Variants in EFCAB3 observed in about 807,000 individuals in gnomAD.
EFCAB3 encodes EF-hand calcium-binding domain-containing protein 3.
EFCAB3 carries 36 observed loss-of-function variants against 42.2 expected under a neutral mutation model. That is an observed-to-expected ratio of 0.85 (90% CI 0.65 to 1.13). The LOEUF (loss-of-function observed/expected upper bound fraction) is 1.13, where lower values mean the gene tolerates loss of function less well. Among genes scored for constraint, EFCAB3 ranks in the 50% most tolerant of loss-of-function variants. The pLI, the probability that EFCAB3 is intolerant of heterozygous loss-of-function variation, is 0.00. For missense variants in EFCAB3, 418 were observed against 505.1 expected (o/e 0.83, Z 1.65); for synonymous variants, 170 against 172.8 (o/e 0.98, Z 0.13).
At chr17:62,414,390 T>C (rs991800434) in intron 9 of EFCAB3, among the ~76,000 whole-genome samples, 2 of 152,214 alleles carry the variant, frequency 1.3e-5, no homozygotes, top group Non-Finnish European at 2.9e-5. Flanking sequence ...TGATTACTGT[T>C]AAAGTTGTCA....
At chr17:62,375,122 AAT>A (rs2070140267) in intron 2 of EFCAB3, among the ~76,000 whole-genome samples, 1 of 152,186 alleles carries the variant, frequency 6.6e-6, no homozygotes, top group Admixed American at 6.5e-5. Context: ...TGTAAAAAGA[AAT>A]AAAAAAGGAG....
chr17:62,380,107 T>C (rs1402173843), upstream of EFCAB3, among the ~76,000 whole-genome samples: 2 of 152,214 alleles, frequency 1.3e-5, no homozygotes, highest in Non-Finnish European at 2.9e-5. Context: ...GTTCAAGCAA[T>C]TCTCCTGCCT....
intron 3 of EFCAB3, among the ~76,000 whole-genome samples, chr17:62,389,466 G>A (rs1401545793): frequency 2.0e-5 from 3 of 152,206 alleles, no homozygotes; most frequent in African/African-American, 4.8e-5. Context: ...ACTAGAAAAT[G>A]TGTTCGTTAC....
upstream of EFCAB3, among the ~76,000 whole-genome samples, chr17:62,380,311 C>T (rs1445335515): frequency 6.6e-6 from 1 of 152,164 alleles, no homozygotes; most frequent in Non-Finnish European, 1.5e-5. Flanking sequence ...CTGATGAAGA[C>T]ATTAACATGA....
chr17:62,389,096 G>A (rs79069855), intron 3 of EFCAB3, among the ~76,000 whole-genome samples: 1,769 of 152,318 alleles, frequency 0.012, 15 homozygotes, highest in Non-Finnish European at 0.02. Context: ...GCAGCATGTG[G>A]ACAAGAAACT....
At position 62,416,005 on chromosome 17, in the gene EFCAB3, G is replaced by T; in HGVS notation, c.993G>T (p.Val331=). Residue 331 remains valine (V), a splice_region_variant and synonymous_variant, in exon 10 of 10, where the codon GTG becomes GTT. Transcript: ENST00000305286. ...VADATAIKQH[V]KRATDTYNLG... The stretch of plus-strand genomic sequence containing the variant: ...AAACTTCTGGTCTCTCACTGCAGGT[G>T]AAGAGAGCTACTGATACCTATAATT... 1.2e-6 allele frequency: 2 copies of T among 1,605,658 alleles called. No homozygotes were observed. The highest frequency in any genetic ancestry group is 2.2e-5 in the South Asian group (2 of 89,820).
At chr17:62,402,519 A>G (rs1188675904) in intron 6 of EFCAB3, among the ~76,000 whole-genome samples, 1 of 152,094 alleles carries the variant, frequency 6.6e-6, no homozygotes. Context: ...AATTTTGTCG[A>G]AGGCCTTTTC....
At chr17:62,373,978 C>A (rs1257735762) in intron 2 of EFCAB3, 1 of 519,162 alleles carries the variant, frequency 1.9e-6, no homozygotes, top group African/African-American at 2.0e-5. Context: ...TAGAAAATTT[C>A]TATATTTAGC....
intron 6 of EFCAB3, among the ~76,000 whole-genome samples, chr17:62,398,453 C>CAA (rs371155492): frequency 6.5e-5 from 4 of 62,010 alleles, no homozygotes; most frequent in African/African-American, 2.1e-4. Context: ...GACTTAGTCT[C>CAA]AAAAAAAAAA....
rs762597416 is a variant in EFCAB3 at position 62,406,556 on chromosome 17, A to G, written c.565A>G (p.Thr189Ala). 6.2e-7 allele frequency: 1 copy of G among 1,614,020 alleles called. No homozygotes were observed. The highest frequency in any genetic ancestry group is 2.2e-5 in the East Asian group (1 of 44,856). Residue 189 changes from threonine to alanine, a missense_variant, in exon 7 of 10, where the codon ACA becomes GCA. Transcript: ENST00000305286. ...CTACACTATGGGCTATGGAAAAAGGACACTTAAGCCAGACATATGCACACC... is the reference window on the plus strand; with the variant it reads ...CTACACTATGGGCTATGGAAAAAGGGCACTTAAGCCAGACATATGCACACC... ...SPYTMGYGKR[T>A]LKPDICTPPS...
chr17:62,402,762 G>A (rs1249905520), intron 6 of EFCAB3, among the ~76,000 whole-genome samples: 4 of 152,140 alleles, frequency 2.6e-5, no homozygotes, highest in Non-Finnish European at 5.9e-5. Flanking sequence ...TATTTTTGTT[G>A]TGTCTCTGCC....
At chr17:62,385,039 C>T (rs1398635093) in intron 2 of EFCAB3, among the ~76,000 whole-genome samples, 32 of 152,126 alleles carry the variant, frequency 2.1e-4, no homozygotes, top group Admixed American at 2.1e-3. Context: ...TTTCAATTTA[C>T]AATATTTTCA....
At chr17:62,398,531 T>C (rs892634356) in intron 6 of EFCAB3, among the ~76,000 whole-genome samples, 3 of 146,232 alleles carry the variant, frequency 2.1e-5, no homozygotes, top group Non-Finnish European at 3.0e-5. Context: ...TTAGCCACCA[T>C]AGTGGCACAG....
rs77937642 is a variant in EFCAB3, at chr17:62,391,161, G to T, written c.152-661G>T. ...GGTTTCTCTTCTCTGTGTCTTATAG[G>T]ACTGAAATTAAGGTGTTGGCCAGCC... On this transcript the variant is annotated intron_variant, in intron 3 of 9. Coordinates refer to ENST00000305286, the MANE Select transcript of EFCAB3 (RefSeq NM_173503.4). 4.5e-3 allele frequency among the ~76,000 whole-genome samples: 689 copies of T among 152,206 alleles called. 3 individuals are homozygous for T. The highest frequency in any genetic ancestry group is 0.016 in the African/African-American group (651 of 41,556).
chr17:62,381,782 G>A, intron 1 of EFCAB3: 1 of 416,688 alleles, frequency 2.4e-6, no homozygotes, highest in Non-Finnish European at 4.8e-6. Context: ...ACGACGACCG[G>A]CTCAACGAGG....
intron 8 of EFCAB3, among the ~76,000 whole-genome samples, chr17:62,412,782 C>T (rs1034017475): frequency 6.6e-6 from 1 of 151,146 alleles, no homozygotes; most frequent in Admixed American, 6.6e-5. Context: ...AAAAAAGTCT[C>T]AATTATTAAA....
chr17:62,407,851 A>C (rs2070461854), intron 8 of EFCAB3, among the ~76,000 whole-genome samples: 1 of 152,184 alleles, frequency 6.6e-6, no homozygotes, highest in Admixed American at 6.5e-5. Flanking sequence ...ACTTAACTGG[A>C]GGCCAGCCCA....
Position 62,411,906 on chromosome 17 carries a change from G to GGA in EFCAB3, c.868-1826_868-1825insGA, listed in dbSNP as rs2070501468. On this transcript the variant is annotated intron_variant, in intron 8 of 9. Coordinates refer to ENST00000305286, the MANE Select transcript of EFCAB3 (RefSeq NM_173503.4). ...GAAGGAAGGAAGGAAGGAAGGAAGGGAGGGAGGGAGGAAGACAGACAGAAA... is the reference window on the plus strand; with the variant it reads ...GAAGGAAGGAAGGAAGGAAGGAAGGGGAAGGGAGGGAGGAAGACAGACAGAAA... Among the ~76,000 whole-genome samples the GGA allele has an allele frequency of 3.7e-3, 9 of 2,404 alleles. No homozygotes were observed. The East Asian group carries it at 0.12, about 31-fold the overall frequency. The allele number at this position is 2,404 out of a possible 152,430, so 1.6% of individuals were successfully genotyped here.
intron 5 of EFCAB3, among the ~76,000 whole-genome samples, chr17:62,393,958 CTTT>C (rs34962512): frequency 2.1e-5 from 3 of 141,862 alleles, no homozygotes; most frequent in Non-Finnish European, 3.1e-5. Context: ...ATTATTTTGT[CTTT>C]TTTTTTTTTT....
Sources: allele counts gnomAD v4.1 joint callset (sites outside exome capture counted in the v4.1 genomes callset), GRCh38; gene constraint gnomAD v4.1.1; transcripts MANE v1.5; gene names NCBI Gene and HGNC (gene_info 2026-07-23, HGNC 2026-07-21).